The following NUDT21 variants were observed in gnomAD, a reference collection of about 807,000 sequenced individuals.
The protein encoded by NUDT21 is cleavage and polyadenylation specificity factor subunit 5.
Under a neutral mutation model 29.8 loss-of-function variants are expected in NUDT21, and 5 were observed. That is an observed-to-expected ratio of 0.17 (90% CI 0.09 to 0.35). The LOEUF (loss-of-function observed/expected upper bound fraction) is 0.35, where lower values mean the gene tolerates loss of function less well. Among genes scored for constraint, NUDT21 ranks in the 10% least tolerant of loss-of-function variants. The probability of loss-of-function intolerance (pLI) is 1.00; values close to 1 mark genes in which losing one functional copy is unlikely to be tolerated. For missense variants in NUDT21, 76 were observed against 276.0 expected (o/e 0.28, Z 5.13); for synonymous variants, 113 against 98.5 (o/e 1.15, Z -0.87).
chr16:56,432,627 C>A lies in NUDT21; in HGVS notation c.*85G>T. Reference sequence around the variant, plus strand: ...CGCAAAAGAGATAAAACCAAAAAAACTTTTCTACCACATTTATTCTACACT... The same window carrying A: ...CGCAAAAGAGATAAAACCAAAAAAAATTTTCTACCACATTTATTCTACACT... On this transcript the variant is annotated 3_prime_UTR_variant, in exon 7 of 7. Coordinates refer to ENST00000300291, the MANE Select transcript of NUDT21 (RefSeq NM_007006.3). 8.0e-7 allele frequency: 1 copy of A among 1,255,082 alleles called. No homozygotes were observed. Among genetic ancestry groups the A allele is most frequent in the Non-Finnish European group, 1.1e-6 (1 of 915,824 alleles). 77.7% of individuals were successfully genotyped at this position (1,255,082 alleles called of 1,614,324 possible). A position where few individuals can be genotyped will look rare whatever the true frequency, so the allele number is the denominator to read the frequency against.
chr16:56,448,454 T>A (rs1962243587), intron 1 of NUDT21, among the ~76,000 whole-genome samples: 1 of 152,228 alleles, frequency 6.6e-6, no homozygotes, highest in Non-Finnish European at 1.5e-5. Flanking sequence ...TCCCTCCAGT[T>A]ATTTTCTATT....
intron 3 of NUDT21, among the ~76,000 whole-genome samples, chr16:56,444,896 T>C (rs761079377): frequency 1.3e-5 from 2 of 152,048 alleles, no homozygotes; most frequent in South Asian, 4.1e-4. Flanking sequence ...TCACAGGACA[T>C]GCTCAGGCCG....
rs531556313 is a variant in NUDT21, at chr16:56,447,800, A to T, written c.306T>A (p.Thr102=). 429 of 1,614,102 alleles carry T rather than the reference A, an allele frequency of 2.7e-4. 7 individuals are homozygous for T. The South Asian group carries it at 4.6e-3, about 17-fold the overall frequency. Residue 102 remains threonine, a synonymous_variant, in exon 2 of 7, where the codon ACT becomes ACA. Transcript: ENST00000300291. ...CCAACACTACTTACAGTTTGAAGAAAGTTGTTCCCAGCTGCAGCAGTAACA... is the reference window on the plus strand; with the variant it reads ...CCAACACTACTTACAGTTTGAAGAATGTTGTTCCCAGCTGCAGCAGTAACA... The part of the protein sequence containing the change: ...PHVLLLQLGT[T]FFKLPGGELN...
intron 3 of NUDT21, among the ~76,000 whole-genome samples, chr16:56,444,206 C>A (rs1444587562): frequency 1.3e-5 from 2 of 152,216 alleles, no homozygotes; most frequent in African/African-American, 4.8e-5. Flanking sequence ...ATTGCTTGAG[C>A]CCAGGAGTTT....
intron 3 of NUDT21, among the ~76,000 whole-genome samples, chr16:56,441,588 T>A (rs567018749): frequency 2.6e-5 from 4 of 152,238 alleles, no homozygotes; most frequent in African/African-American, 9.6e-5. Context: ...CTACTATGAA[T>A]GAGAATTTAG....
chr16:56,449,491 A>G (rs1962254361), intron 1 of NUDT21, among the ~76,000 whole-genome samples: 1 of 152,234 alleles, frequency 6.6e-6, no homozygotes, highest in African/African-American at 2.4e-5. Context: ...GGTGAACTTA[A>G]GTTCACAACA....
chr16:56,437,973 T>C (rs1319716361), intron 4 of NUDT21, among the ~76,000 whole-genome samples: 1 of 152,214 alleles, frequency 6.6e-6, no homozygotes, highest in African/African-American at 2.4e-5. Flanking sequence ...TATGAATTCA[T>C]AGACCAGGAA....
chr16:56,443,182 CTTT>C (rs546436346), intron 3 of NUDT21, among the ~76,000 whole-genome samples: 1 of 143,878 alleles, frequency 7.0e-6, no homozygotes, highest in Non-Finnish European at 1.5e-5. Flanking sequence ...ATTTTTTTTT[CTTT>C]TTTTTTTTTG....
chr16:56,446,858 T>C, intron 2 of NUDT21, 169 bp from the exon 3 acceptor site: 1 of 513,744 alleles, frequency 1.9e-6, no homozygotes. Flanking sequence ...TTCATGTCAA[T>C]TCCCCAGACT....
chr16:56,431,794 G>GTT lies in NUDT21; in HGVS notation c.*916_*917dup, dbSNP rs1962037724. On this transcript the variant is annotated 3_prime_UTR_variant, in exon 7 of 7. Coordinates refer to ENST00000300291, the MANE Select transcript of NUDT21 (RefSeq NM_007006.3). Reference sequence around the variant, plus strand: ...AAACCTGTCCTCTGCCTTGCCCCCAGTTTTCGGTTGATTCACATTATTCCA... The same window carrying GTT: ...AAACCTGTCCTCTGCCTTGCCCCCAGTTTTTTCGGTTGATTCACATTATTCCA... The GTT allele has an allele frequency of 6.6e-6, 1 of 152,082 alleles. No individual in the cohort carries two copies. Among genetic ancestry groups the GTT allele is most frequent in the African/African-American group, 2.4e-5 (1 of 41,414 alleles). 9.4% of individuals were successfully genotyped at this position (152,082 alleles called of 1,614,324 possible).
At chr16:56,439,077 G>A (rs1380783706) in intron 4 of NUDT21, 3 of 152,600 alleles carry the variant, frequency 2.0e-5, no homozygotes, top group African/African-American at 7.2e-5. Context: ...ATGAAGCGGT[G>A]GAATGAGGGG....
intron 4 of NUDT21, among the ~76,000 whole-genome samples, chr16:56,435,743 T>TTATATATATATATGTGTA: frequency 3.7e-5 from 1 of 27,058 alleles, no homozygotes; most frequent in African/African-American, 1.4e-4. Context: ...AAAAAAAAAA[T>TTATATATATATATGTGTA]TATATATATA....
At chr16:56,446,769 C>A in intron 2 of NUDT21, 80 bp from the exon 3 acceptor site, 1 of 842,838 alleles carries the variant, frequency 1.2e-6, no homozygotes, top group South Asian at 1.6e-5. Context: ...GTTATTTCTA[C>A]CAAGTCACTA....
At position 56,431,190 on chromosome 16, in the gene NUDT21, A is replaced by T. The variant is rs1412964334; in HGVS notation, c.*1522T>A. 6.6e-6 allele frequency: 1 copy of T among 152,256 alleles called. No individual in the cohort carries two copies. The highest frequency in any genetic ancestry group is 1.5e-5 in the Non-Finnish European group (1 of 68,046). 9.4% of individuals were successfully genotyped at this position (152,256 alleles called of 1,614,324 possible). A position where few individuals can be genotyped will look rare whatever the true frequency, so the allele number is the denominator to read the frequency against. ...GACGCAGCTAATGGATGAGCTTACC[A>T]GCAAAATACATTACATGAGAAATAT... is the stretch of plus-strand genomic sequence containing the variant. On this transcript the variant is annotated 3_prime_UTR_variant, in exon 7 of 7. Transcript: ENST00000300291.
At chr16:56,448,064 A>G in intron 1 of NUDT21, 75 bp from the exon 2 acceptor site, 1 of 1,325,010 alleles carries the variant, frequency 7.5e-7, no homozygotes, top group Non-Finnish European at 1.1e-6. Flanking sequence ...AGCATAAAGA[A>G]ACCATGGTAC....
rs575587749 is a variant in NUDT21 at position 56,429,263 on chromosome 16, G to A, written c.*3449C>T. Reference sequence around the variant, plus strand: ...TTTCTTTTATACATTTGCCATAAACGTAATACCAGAAAAGTTCTCAAAACC... The same window carrying A: ...TTTCTTTTATACATTTGCCATAAACATAATACCAGAAAAGTTCTCAAAACC... On this transcript the variant is annotated 3_prime_UTR_variant, in exon 7 of 7. Coordinates refer to ENST00000300291, the MANE Select transcript of NUDT21 (RefSeq NM_007006.3). The A allele has an allele frequency of 3.9e-5, 6 of 152,202 alleles. No homozygotes were observed. The highest frequency in any genetic ancestry group is 2.0e-4 in the Admixed American group (3 of 15,298). The allele number at this position is 152,202 out of a possible 1,614,324, so 9.4% of individuals were successfully genotyped here.
At chr16:56,446,485 C>A in intron 3 of NUDT21, 141 bp downstream of exon 3, 2 of 511,674 alleles carry the variant, frequency 3.9e-6, no homozygotes, top group Non-Finnish European at 7.0e-6. Flanking sequence ...AAAAAAAAAT[C>A]AACATTGTAC....
intron 1 of NUDT21, chr16:56,449,115 G>A (rs763388280): frequency 3.3e-5 from 5 of 152,162 alleles, no homozygotes; most frequent in Admixed American, 1.3e-4. Flanking sequence ...ATAGAACGAC[G>A]TGCCAAGCAA....
At chr16:56,438,217 T>TC (rs1375667346) in intron 4 of NUDT21, among the ~76,000 whole-genome samples, 4 of 152,200 alleles carry the variant, frequency 2.6e-5, no homozygotes, top group Non-Finnish European at 5.9e-5. Context: ...GATTAGGTTA[T>TC]CACAGACTGA....
Sources: allele counts gnomAD v4.1 joint callset (sites outside exome capture counted in the v4.1 genomes callset), GRCh38; gene constraint gnomAD v4.1.1; transcripts MANE v1.5; gene names NCBI Gene and HGNC (gene_info 2026-07-23, HGNC 2026-07-21).